Variants in CALN1 observed in about 807,000 individuals in gnomAD.
The protein encoded by CALN1 is calcium-binding protein 8.
Under a neutral mutation model 30.6 loss-of-function variants are expected in CALN1, and 17 were observed. The observed-to-expected ratio is 0.56, with a 90% CI of 0.38 to 0.83. The LOEUF (loss-of-function observed/expected upper bound fraction) is 0.83. CALN1 is among the 40% of genes least tolerant of loss of function. CALN1 has a pLI of 0.00. For synonymous variants in CALN1, 156 were observed against 131.4 expected (o/e 1.19, Z -1.28); for missense variants, 291 against 354.9 (o/e 0.82, Z 1.45).
the CALN1 span, among the ~76,000 whole-genome samples, chr7:72,490,631 C>G: frequency 1.3e-5 from 2 of 152,296 alleles, no homozygotes; most frequent in African/African-American, 4.8e-5. Flanking sequence ...AGATTTCCCC[C>G]TTGCTGTTCT....
chr7:72,171,550 A>G (rs567015473), intron 3 of CALN1, among the ~76,000 whole-genome samples: 11 of 152,344 alleles, frequency 7.2e-5, no homozygotes, highest in Admixed American at 3.9e-4. Context: ...TAAATCAATG[A>G]AGGAAAAACA....
chr7:71,906,105 G>T (rs1293509063), intron 5 of CALN1, among the ~76,000 whole-genome samples: 1 of 152,158 alleles, frequency 6.6e-6, no homozygotes. Flanking sequence ...AATATCTGGG[G>T]ATTACAATTC....
intron 3 of CALN1, among the ~76,000 whole-genome samples, chr7:72,158,934 CCT>C (rs1787909670): frequency 6.6e-6 from 1 of 152,130 alleles, no homozygotes; most frequent in Non-Finnish European, 1.5e-5. Flanking sequence ...CTCACTGCAA[CCT>C]CTGCCTCCCA....
intron 3 of CALN1, among the ~76,000 whole-genome samples, chr7:72,123,519 G>A (rs1043875514): frequency 2.0e-5 from 3 of 152,150 alleles, no homozygotes; most frequent in African/African-American, 7.2e-5. Flanking sequence ...TTGCAAATAC[G>A]AGAGGCCCTG....
At chr7:72,173,930 T>C (rs183312708) in intron 3 of CALN1, among the ~76,000 whole-genome samples, 1 of 152,256 alleles carries the variant, frequency 6.6e-6, no homozygotes, top group Non-Finnish European at 1.5e-5. Context: ...AAAATACTGA[T>C]ACATCTAATT....
intron 3 of CALN1, among the ~76,000 whole-genome samples, chr7:72,261,291 G>C (rs1186821454): frequency 1.3e-5 from 2 of 152,126 alleles, no homozygotes; most frequent in Non-Finnish European, 2.9e-5. Flanking sequence ...CTGGGTGACA[G>C]AGCGAGACTC....
chr7:72,041,127 C>G (rs183468610), intron 4 of CALN1, among the ~76,000 whole-genome samples: 3 of 152,068 alleles, frequency 2.0e-5, no homozygotes, highest in Non-Finnish European at 4.4e-5. Context: ...TCCTGTTGCA[C>G]TCTACATAAG....
chr7:72,106,189 A>C lies in CALN1; in HGVS notation c.350T>G (p.Val117Gly). Residue 117 changes from valine (V) to glycine (G), a missense_variant, in exon 4 of 7, where the codon GTG becomes GGG. This residue lies in a region of CALN1 where 169 missense variants were observed against 251.7 expected (regional missense o/e 0.67). Coordinates refer to ENST00000395275, the MANE Select transcript of CALN1 (RefSeq NM_031468.4). The part of the protein sequence containing the change: ...MRSLGYMPSE[V>G]ELAIIMQRLD... ...GCGCTGCATGATGATGGCCAGCTCC[A>C]CCTCGCTTGGCATGTACCCCAAAGA... 2 of 1,613,934 alleles carry C rather than the reference A, an allele frequency of 1.2e-6. No homozygotes were observed. Among genetic ancestry groups the C allele is most frequent in the Non-Finnish European group, 1.7e-6 (2 of 1,180,004 alleles).
chr7:72,498,635 A>C, the CALN1 span, among the ~76,000 whole-genome samples: 1 of 152,156 alleles, frequency 6.6e-6, no homozygotes, highest in Non-Finnish European at 1.5e-5. Flanking sequence ...AATTCAGTTG[A>C]GATCATTTTT....
chr7:72,016,215 C>G (rs1409587458), intron 5 of CALN1, among the ~76,000 whole-genome samples: 2 of 144,694 alleles, frequency 1.4e-5, no homozygotes, highest in African/African-American at 5.3e-5. Context: ...CGCCCCTGCA[C>G]TCCAGCCTGG....
chr7:72,089,150 T>C (rs1264048009), intron 4 of CALN1, among the ~76,000 whole-genome samples: 1 of 152,088 alleles, frequency 6.6e-6, no homozygotes, highest in East Asian at 1.9e-4. Context: ...TATAACCACC[T>C]TACATTAAAA....
intron 6 of CALN1, 60 bp downstream of exon 6, chr7:71,810,274 TAG>T (rs1787871419): frequency 2.6e-6 from 4 of 1,541,970 alleles, no homozygotes; most frequent in Non-Finnish European, 2.6e-6. Context: ...ATTTTTCATA[TAG>T]AGAGTGTGGT....
At chr7:72,165,707 TA>T (rs2129545102) in intron 3 of CALN1, among the ~76,000 whole-genome samples, 1 of 152,196 alleles carries the variant, frequency 6.6e-6, no homozygotes, top group East Asian at 1.9e-4. Context: ...TACTAACATT[TA>T]AAATTGCCCA....
At chr7:72,428,100 G>C (rs1207531502) in intron 1 of CALN1, among the ~76,000 whole-genome samples, 1 of 152,122 alleles carries the variant, frequency 6.6e-6, no homozygotes, top group Non-Finnish European at 1.5e-5. Context: ...AGACACAGTC[G>C]AGACACTCCC....
chr7:71,851,252 C>CACACACACACACACAT, intron 5 of CALN1, among the ~76,000 whole-genome samples: 1 of 149,468 alleles, frequency 6.7e-6, no homozygotes, highest in Admixed American at 6.7e-5. Flanking sequence ...CACACACACA[C>CACACACACACACACAT]ATCACACATA....
intron 4 of CALN1, among the ~76,000 whole-genome samples, chr7:72,105,011 A>T (rs2129541180): frequency 6.6e-6 from 1 of 152,108 alleles, no homozygotes; most frequent in Non-Finnish European, 1.5e-5. Flanking sequence ...AATAAGATAA[A>T]AATGTTAAAA....
At chr7:72,265,397 T>C (rs562208538) in intron 3 of CALN1, among the ~76,000 whole-genome samples, 6 of 152,228 alleles carry the variant, frequency 3.9e-5, no homozygotes, top group East Asian at 1.9e-4. Context: ...CAGGGAACAG[T>C]TGAACCTGCT....
chr7:72,396,687 T>TA (rs1358146046), intron 2 of CALN1, among the ~76,000 whole-genome samples: 1 of 151,918 alleles, frequency 6.6e-6, no homozygotes, highest in East Asian at 1.9e-4. Context: ...GTTGGGTGGG[T>TA]AGGGAGTTGA....
upstream of CALN1, among the ~76,000 whole-genome samples, chr7:72,416,967 G>A (rs1451633468): frequency 1.3e-5 from 2 of 152,106 alleles, no homozygotes; most frequent in African/African-American, 4.8e-5. Flanking sequence ...CAAGTCAGTG[G>A]GGAAAGGTGT....
Sources: gnomAD v4.1 joint callset for allele counts (sites outside exome capture counted in the v4.1 genomes callset) on GRCh38, gnomAD v4.1.1 for gene constraint, gnomAD v4.1.1 regional missense constraint, MANE v1.5 for transcripts, NCBI Gene and HGNC (gene_info 2026-07-23, HGNC 2026-07-21) for gene names.